CHST11: variants seen among roughly 807,000 people sequenced by gnomAD.
CHST11 encodes carbohydrate sulfotransferase 11.
A neutral mutation model predicts 30.4 loss-of-function variants in CHST11; 9 were observed. The ratio of observed to expected loss-of-function variants is 0.30; its 90% CI spans 0.18 to 0.52. The LOEUF (loss-of-function observed/expected upper bound fraction) is 0.52. CHST11 is among the 20% of genes least tolerant of loss of function. The pLI is 0.97. For synonymous variants in CHST11, 152 were observed against 187.8 expected, an observed-to-expected ratio of 0.81 and a Z score of 1.56; for missense variants, 348 against 460.6, an observed-to-expected ratio of 0.76 and a Z score of 2.24.
At chr12:104,563,334 G>A (rs754143845) in intron 1 of CHST11, among the ~76,000 whole-genome samples, 10 of 152,176 alleles carry the variant, frequency 6.6e-5, no homozygotes, top group Non-Finnish European at 8.8e-5. Context: ...CACTGTGCTC[G>A]GCCATTGTTG....
At chr12:104,527,994 C>T (rs1206722988) in intron 1 of CHST11, among the ~76,000 whole-genome samples, 1 of 152,230 alleles carries the variant, frequency 6.6e-6, no homozygotes, top group Non-Finnish European at 1.5e-5. Flanking sequence ...ATGATCCAGT[C>T]ACCTCCCACC....
chr12:104,668,570 T>C (rs1229358005), intron 2 of CHST11, among the ~76,000 whole-genome samples: 1 of 152,174 alleles, frequency 6.6e-6, no homozygotes, highest in Non-Finnish European at 1.5e-5. Context: ...GGAGATTAGC[T>C]GTGTTGTGCA....
intron 2 of CHST11, among the ~76,000 whole-genome samples, chr12:104,642,665 G>A (rs1342798750): frequency 1.3e-5 from 2 of 151,988 alleles, no homozygotes; most frequent in Admixed American, 6.6e-5. Flanking sequence ...GTTCACAAGT[G>A]TTAGTATTAC....
intron 1 of CHST11, among the ~76,000 whole-genome samples, chr12:104,465,500 T>C (rs1317486209): frequency 1.3e-5 from 2 of 152,256 alleles, no homozygotes; most frequent in African/African-American, 4.8e-5. Context: ...GTCATGACTT[T>C]GTCATTTCTC....
chr12:104,475,231 T>G (rs927778309), intron 1 of CHST11, among the ~76,000 whole-genome samples: 2 of 152,298 alleles, frequency 1.3e-5, no homozygotes, highest in Admixed American at 6.5e-5. Context: ...AATATTTATC[T>G]GAGCAAAGAG....
chr12:104,604,805 G>A (rs2038987643), intron 2 of CHST11, among the ~76,000 whole-genome samples: 2 of 152,098 alleles, frequency 1.3e-5, no homozygotes, highest in Admixed American at 1.3e-4. Context: ...GTGAAAACAG[G>A]AACTGTTTAT....
intron 1 of CHST11, among the ~76,000 whole-genome samples, chr12:104,481,351 C>T (rs2037620892): frequency 6.6e-6 from 1 of 152,136 alleles, no homozygotes; most frequent in Non-Finnish European, 1.5e-5. Context: ...GCGTGCTTTT[C>T]CTTCAGGTCC....
intron 1 of CHST11, among the ~76,000 whole-genome samples, chr12:104,556,046 G>GTAC (rs2038451435): frequency 6.6e-6 from 1 of 152,240 alleles, no homozygotes. Context: ...GGTCTCAGTG[G>GTAC]TACAGGTGTG....
intron 1 of CHST11, among the ~76,000 whole-genome samples, chr12:104,533,259 T>C (rs1682381501): frequency 6.6e-6 from 1 of 152,188 alleles, no homozygotes. Context: ...GACCAAGACT[T>C]GAGGAAGCCA....
At chr12:104,653,153 T>C (rs1038314312) in intron 2 of CHST11, among the ~76,000 whole-genome samples, 12 of 152,232 alleles carry the variant, frequency 7.9e-5, no homozygotes, top group African/African-American at 2.9e-4. Flanking sequence ...TCCCCATTTC[T>C]CCTGCCCGCC....
intron 2 of CHST11, among the ~76,000 whole-genome samples, chr12:104,690,158 G>A (rs1192499175): frequency 6.6e-6 from 1 of 152,190 alleles, no homozygotes; most frequent in Admixed American, 6.5e-5. Flanking sequence ...CAGAGCAAGC[G>A]AGATTTAGTT....
intron 1 of CHST11, among the ~76,000 whole-genome samples, chr12:104,573,881 C>G (rs929517517): frequency 1.5e-4 from 23 of 152,218 alleles, no homozygotes; most frequent in African/African-American, 4.6e-4. Flanking sequence ...AAACTAAAGA[C>G]CTTCTGCACA....
At chr12:104,585,245 G>T (rs1619105) in intron 1 of CHST11, among the ~76,000 whole-genome samples, 1 of 152,096 alleles carries the variant, frequency 6.6e-6, no homozygotes, top group African/African-American at 2.4e-5. Flanking sequence ...CACTTGCCTC[G>T]TACTCACCTT....
intron 2 of CHST11, among the ~76,000 whole-genome samples, chr12:104,673,030 C>G (rs1186853421): frequency 6.6e-6 from 1 of 152,232 alleles, no homozygotes; most frequent in East Asian, 1.9e-4. Context: ...TCTGGAGACT[C>G]TAAGGGAAGA....
intron 1 of CHST11, among the ~76,000 whole-genome samples, chr12:104,582,047 A>T (rs1433944240): frequency 6.6e-6 from 1 of 152,130 alleles, no homozygotes; most frequent in Non-Finnish European, 1.5e-5. Context: ...TTCTATCCTT[A>T]TTTCATCCAG....
chr12:104,721,975 T>G (rs908164574), intron 2 of CHST11, among the ~76,000 whole-genome samples: 2 of 152,208 alleles, frequency 1.3e-5, no homozygotes, highest in Non-Finnish European at 2.9e-5. Flanking sequence ...GGTTTGTTGT[T>G]GTTTGCCTGT....
intron 1 of CHST11, among the ~76,000 whole-genome samples, chr12:104,510,420 T>C (rs1331721517): frequency 2.0e-5 from 3 of 152,208 alleles, no homozygotes; most frequent in Non-Finnish European, 2.9e-5. Flanking sequence ...GAATGTTACT[T>C]CGTGCTGTTC....
intron 1 of CHST11, among the ~76,000 whole-genome samples, chr12:104,551,853 G>A (rs977347866): frequency 6.6e-6 from 1 of 152,132 alleles, no homozygotes; most frequent in Non-Finnish European, 1.5e-5. Context: ...CCTGGTGCGG[G>A]CTGGTGGTCT....
chr12:104,558,682 G>T (rs1023520695), intron 1 of CHST11, among the ~76,000 whole-genome samples: 1 of 151,824 alleles, frequency 6.6e-6, no homozygotes, highest in African/African-American at 2.4e-5. Context: ...GGGACTTCAG[G>T]TGTGTGCCAC....
Sources: gnomAD v4.1 joint callset for allele counts (sites outside exome capture counted in the v4.1 genomes callset) on GRCh38, gnomAD v4.1.1 for gene constraint, MANE v1.5 for transcripts, NCBI Gene and HGNC (gene_info 2026-07-23, HGNC 2026-07-21) for gene names.